RALGAPA2: variants seen among roughly 807,000 people sequenced by gnomAD.
RALGAPA2 encodes the protein ral GTPase-activating protein subunit alpha-2.
In RALGAPA2, 139 loss-of-function variants were observed where a neutral mutation model predicts 230.4. That is an observed-to-expected ratio of 0.60 (90% CI 0.53 to 0.69). The LOEUF (loss-of-function observed/expected upper bound fraction) is 0.69, where lower values mean the gene tolerates loss of function less well. Among genes scored for constraint, RALGAPA2 ranks in the 30% least tolerant of loss-of-function variants. RALGAPA2 has a pLI of 0.00. For missense variants in RALGAPA2, 2,163 were observed against 2,276.0 expected (o/e 0.95, Z 1.01); for synonymous variants, 847 against 837.8 (o/e 1.01, Z -0.19).
chr20:20,555,094 G>C (rs562676506), intron 23 of RALGAPA2, among the ~76,000 whole-genome samples: 1 of 152,150 alleles, frequency 6.6e-6, no homozygotes, highest in Non-Finnish European at 1.5e-5. Flanking sequence ...GAGTTAATTT[G>C]TGTATATGGT....
intron 36 of RALGAPA2, among the ~76,000 whole-genome samples, chr20:20,485,475 T>C (rs922289418): frequency 2.6e-5 from 4 of 152,244 alleles, no homozygotes; most frequent in Admixed American, 2.6e-4. Context: ...ACGACTGACA[T>C]GTATTTTATT....
At chr20:20,597,623 G>A (rs193097144) in intron 16 of RALGAPA2, among the ~76,000 whole-genome samples, 4 of 152,102 alleles carry the variant, frequency 2.6e-5, no homozygotes, top group Admixed American at 6.5e-5. Context: ...GGTGGGTCAC[G>A]AAGTCAGGAG....
rs761464832 is a variant in RALGAPA2, at chr20:20,412,064, G to A, written c.5580C>T (p.Val1860=). 1.5e-5 allele frequency: 24 copies of A among 1,613,884 alleles called. No individual in the cohort carries two copies. The highest frequency in any genetic ancestry group is 1.9e-5 in the Non-Finnish European group (22 of 1,179,888). The change falls in exon 38 of 40, where the codon GTC becomes GTT. Residue 1860 remains valine (V), a synonymous_variant. Transcript: ENST00000202677. ...VMTFEDFAAQ[V]FSPSPSYSLS... ...GGGAGTAGCTGGGAGAGGGAGAAAA[G>A]ACTTGGGCTGCGAAATCCTCGAATG...
intron 26 of RALGAPA2, among the ~76,000 whole-genome samples, chr20:20,531,997 G>A (rs991915071): frequency 2.6e-5 from 4 of 152,002 alleles, no homozygotes; most frequent in Non-Finnish European, 5.9e-5. Context: ...ATTGATAATG[G>A]TTTAGTACTT....
At chr20:20,637,015 G>C (rs73294782) in intron 8 of RALGAPA2, among the ~76,000 whole-genome samples, 1,702 of 152,292 alleles carry the variant, frequency 0.011, 30 homozygotes, top group African/African-American at 0.039. Context: ...AGCAAAGCCT[G>C]AGGTCGCCAT....
At chr20:20,458,471 T>C (rs901387406) in intron 37 of RALGAPA2, among the ~76,000 whole-genome samples, 1 of 136,182 alleles carries the variant, frequency 7.3e-6, no homozygotes, top group Admixed American at 7.7e-5. Context: ...TTTTATATAA[T>C]ATATAATATA....
At chr20:20,399,162 T>C (rs2059779517) in intron 38 of RALGAPA2, among the ~76,000 whole-genome samples, 1 of 152,070 alleles carries the variant, frequency 6.6e-6, no homozygotes, top group African/African-American at 2.4e-5. Context: ...CTGGCTAACA[T>C]GATGAAATCC....
chr20:20,420,939 G>A lies in RALGAPA2; in HGVS notation c.5496-8791C>T, dbSNP rs1362412399. ...TGCTCCCCACTACTGGCCGCTTTTG[G>A]TATAGAGGATGCACAAGAAAATAAC... On this transcript the variant is annotated intron_variant, in intron 37 of 39. Transcript: ENST00000202677. Among the ~76,000 whole-genome samples, 3 of 152,186 alleles carry A rather than the reference G, an allele frequency of 2.0e-5. No homozygotes were observed. The East Asian group carries it at 5.8e-4, about 29-fold the overall frequency.
rs1247889729 is a variant in RALGAPA2 at position 20,390,914 on chromosome 20, T to C, written c.*2375A>G. On this transcript the variant is annotated 3_prime_UTR_variant, in exon 40 of 40. Transcript: ENST00000202677. ...TGGGGTCGTTATAATCCTCAGGGGT[T>C]ACAGGAGGGTTGAGTTATTTGCTGC... 6.6e-6 allele frequency: 1 copy of C among 152,156 alleles called. No homozygotes were observed. Among genetic ancestry groups the C allele is most frequent in the Non-Finnish European group, 1.5e-5 (1 of 68,018 alleles). The allele number at this position is 152,156 out of a possible 1,614,324, so 9.4% of individuals were successfully genotyped here. A position where few individuals can be genotyped will look rare whatever the true frequency, so the allele number is the denominator to read the frequency against.
At position 20,495,152 on chromosome 20, in the gene RALGAPA2, G is replaced by C. The variant is rs774321454; in HGVS notation, c.5332C>G (p.His1778Asp). The change falls in exon 36 of 40, where the codon CAC (histidine) becomes GAC (aspartate). Residue 1778 changes from histidine to aspartate, a missense_variant. Physicochemically the swap from His to Asp is moderately conservative, Grantham distance 81 (BLOSUM62 -1). Transcript: ENST00000202677. ...VSIIIYPMKN[H>D]MFFIAITKKP... The stretch of plus-strand genomic sequence containing the variant: ...TTCGTTATCGCGATGAAGAACATGT[G>C]ATTCTTCATTGGGTAAATAATGATT... The C allele has an allele frequency of 6.2e-7, 1 of 1,609,402 alleles. No homozygotes were observed. Among genetic ancestry groups the C allele is most frequent in the South Asian group, 1.1e-5 (1 of 90,604 alleles).
chr20:20,462,979 A>C (rs977695822), intron 37 of RALGAPA2, among the ~76,000 whole-genome samples: 1 of 152,230 alleles, frequency 6.6e-6, no homozygotes, highest in Non-Finnish European at 1.5e-5. Context: ...ACTGATAATT[A>C]GTAAACTGAA....
intron 15 of RALGAPA2, among the ~76,000 whole-genome samples, chr20:20,603,991 A>G (rs1471693907): frequency 6.6e-6 from 1 of 152,194 alleles, no homozygotes; most frequent in Non-Finnish European, 1.5e-5. Context: ...TAAGTGATTG[A>G]ATTGTTTTTA....
At chr20:20,639,691 GA>G (rs1243055937) in intron 7 of RALGAPA2, 93 bp downstream of exon 7, 45 of 893,474 alleles carry the variant, frequency 5.0e-5, no homozygotes, top group Non-Finnish European at 7.4e-5. Flanking sequence ...AAAGAAAGAG[GA>G]AAAATATAGA....
intron 37 of RALGAPA2, among the ~76,000 whole-genome samples, chr20:20,423,307 A>G (rs1387485587): frequency 6.6e-6 from 1 of 152,190 alleles, no homozygotes; most frequent in Non-Finnish European, 1.5e-5. Flanking sequence ...CCAGAGCTGA[A>G]GAGCTGAGTC....
intron 37 of RALGAPA2, among the ~76,000 whole-genome samples, chr20:20,461,170 A>G (rs2061293151): frequency 6.6e-6 from 1 of 152,220 alleles, no homozygotes; most frequent in Non-Finnish European, 1.5e-5. Context: ...TGCATATGTC[A>G]TTATAAGCAA....
Position 20,502,609 on chromosome 20 carries a change from C to A in RALGAPA2, c.5208+742G>T, listed in dbSNP as rs114593146. 1.2e-3 allele frequency among the ~76,000 whole-genome samples: 188 copies of A among 152,326 alleles called. 1 individual carries two copies. The highest frequency in any genetic ancestry group is 4.3e-3 in the African/African-American group (177 of 41,580). ...CTGGCTATAACCACCACAGTAGACT[C>A]CCCAGTGGCCAGCTTTGGTCAGCAC... On this transcript the variant is annotated intron_variant, in intron 35 of 39. Coordinates refer to ENST00000202677, the MANE Select transcript of RALGAPA2 (RefSeq NM_020343.4).
Position 20,393,241 on chromosome 20 carries a change from G to T in RALGAPA2, c.*48C>A. The T allele has an allele frequency of 7.4e-7, 1 of 1,353,598 alleles. No individual in the cohort carries two copies. Among genetic ancestry groups the T allele is most frequent in the African/African-American group, 1.5e-5 (1 of 67,574 alleles). The allele number at this position is 1,353,598 out of a possible 1,614,324, so 83.8% of individuals were successfully genotyped here. A position where few individuals can be genotyped will look rare whatever the true frequency, so the allele number is the denominator to read the frequency against. On this transcript the variant is annotated 3_prime_UTR_variant, in exon 40 of 40. Transcript: ENST00000202677. Reference sequence around the variant, plus strand: ...CTCTTCGAGGTCAGCACTCAGACTGGAGGCCAGGGCCCCTGCAAAGGAAGC... The same window carrying T: ...CTCTTCGAGGTCAGCACTCAGACTGTAGGCCAGGGCCCCTGCAAAGGAAGC...
chr20:20,680,390 AT>A (rs1040604451), intron 2 of RALGAPA2, among the ~76,000 whole-genome samples: 17 of 152,314 alleles, frequency 1.1e-4, no homozygotes, highest in African/African-American at 3.8e-4. Flanking sequence ...TGGAATCTAA[AT>A]TTTTTTAATA....
At chr20:20,625,063 G>A (rs1260949235) in intron 10 of RALGAPA2, among the ~76,000 whole-genome samples, 1 of 151,980 alleles carries the variant, frequency 6.6e-6, no homozygotes, top group African/African-American at 2.4e-5. Context: ...CTGCCTGCCT[G>A]CCTATTTCTG....
Sources: allele counts gnomAD v4.1 joint callset (sites outside exome capture counted in the v4.1 genomes callset), GRCh38; gene constraint gnomAD v4.1.1; transcripts MANE v1.5; gene names NCBI Gene and HGNC (gene_info 2026-07-23, HGNC 2026-07-21).